The following UMAD1 variants were observed in gnomAD, a reference collection of about 807,000 sequenced individuals.
UMAD1 encodes the protein UBAP1-MVB12-associated (UMA) domain containing 1.
A neutral mutation model predicts 6.1 loss-of-function variants in UMAD1; 8 were observed. The observed-to-expected ratio is 1.30, with a 90% CI of 0.76 to 2.35. The LOEUF (loss-of-function observed/expected upper bound fraction) is 2.35, where lower values mean the gene tolerates loss of function less well. Ranked by LOEUF, UMAD1 falls within the 30% of genes most tolerant of loss-of-function variation. UMAD1 has a pLI of 0.00. For missense variants in UMAD1, 130 were observed against 78.4 expected (o/e 1.66, Z -2.49); for synonymous variants, 56 against 31.4 (o/e 1.78, Z -2.61).
chr7:7,851,271 G>A (rs913006330), intron 3 of UMAD1, among the ~76,000 whole-genome samples: 2 of 152,050 alleles, frequency 1.3e-5, no homozygotes, highest in Admixed American at 6.6e-5. Context: ...ATATTCCATT[G>A]CGTGGCTATA....
intron 2 of UMAD1, among the ~76,000 whole-genome samples, chr7:7,702,762 T>TC (rs1300101420): frequency 6.6e-6 from 1 of 152,126 alleles, no homozygotes; most frequent in Non-Finnish European, 1.5e-5. Flanking sequence ...GACAAGCCAC[T>TC]CCATCTGCCA....
chr7:7,738,677 GTA>G (rs1342113089), intron 2 of UMAD1: 1 of 152,204 alleles, frequency 6.6e-6, no homozygotes, highest in Non-Finnish European at 1.5e-5. Flanking sequence ...AGGCATTTCT[GTA>G]TATGTTTCTC....
intron 2 of UMAD1, among the ~76,000 whole-genome samples, chr7:7,692,850 G>T (rs939404875): frequency 5.9e-5 from 9 of 152,128 alleles, no homozygotes; most frequent in African/African-American, 1.7e-4. Context: ...CTCGTGATCT[G>T]CCTGCCTCGG....
At chr7:7,658,396 A>G (rs1017336543) in intron 1 of UMAD1, among the ~76,000 whole-genome samples, 5 of 152,212 alleles carry the variant, frequency 3.3e-5, no homozygotes, top group Admixed American at 2.6e-4. Flanking sequence ...GCCAGTTTTC[A>G]AAGGGAATGC....
intron 3 of UMAD1, among the ~76,000 whole-genome samples, chr7:7,872,695 C>T (rs1000862227): frequency 1.4e-4 from 21 of 152,160 alleles, no homozygotes; most frequent in African/African-American, 4.8e-4. Flanking sequence ...CTATGAAGTA[C>T]CGTAAAGCAA....
chr7:7,660,246 CTT>C (rs1377076552), intron 1 of UMAD1, among the ~76,000 whole-genome samples: 3 of 152,198 alleles, frequency 2.0e-5, no homozygotes, highest in Non-Finnish European at 4.4e-5. Flanking sequence ...GATCTTGACT[CTT>C]TATCCAATTT....
intron 2 of UMAD1, among the ~76,000 whole-genome samples, chr7:7,763,094 A>G (rs1781922832): frequency 6.6e-6 from 1 of 152,220 alleles, no homozygotes; most frequent in South Asian, 2.1e-4. Flanking sequence ...TTTTGAGCAT[A>G]GGATACAAGT....
At chr7:7,657,627 T>A (rs1181917924) in intron 1 of UMAD1, among the ~76,000 whole-genome samples, 1 of 152,128 alleles carries the variant, frequency 6.6e-6, no homozygotes, top group Non-Finnish European at 1.5e-5. Flanking sequence ...GTTGTAGATG[T>A]GTGGTATTAT....
intron 3 of UMAD1, among the ~76,000 whole-genome samples, chr7:7,866,619 A>G (rs762394138): frequency 6.6e-6 from 1 of 152,218 alleles, no homozygotes; most frequent in Non-Finnish European, 1.5e-5. Flanking sequence ...TCTACTTTTG[A>G]GGGAGTGGAA....
intron 2 of UMAD1, among the ~76,000 whole-genome samples, chr7:7,739,542 A>C (rs1781422272): frequency 6.6e-6 from 1 of 152,212 alleles, no homozygotes; most frequent in Admixed American, 6.5e-5. Flanking sequence ...GGTCAGAAGT[A>C]TTTTCCAAAC....
Position 7,731,185 on chromosome 7 carries a change from GA to G in UMAD1, c.82+57733del, listed in dbSNP as rs200848186. On this transcript the variant is annotated intron_variant, in intron 2 of 3. Transcript: ENST00000682710. ...AGCTAATTTTTGTATTTTCAGTAGA[GA>G]GGGGGGGGTTCCACCATGTTGGCCA... Among the ~76,000 whole-genome samples the G allele has an allele frequency of 1.2e-3, 183 of 151,738 alleles. 1 individual carries two copies. The highest frequency in any genetic ancestry group is 6.8e-3 in the Middle Eastern group (2 of 294).
At chr7:7,770,334 C>T (rs1318706040) in intron 2 of UMAD1, among the ~76,000 whole-genome samples, 3 of 152,182 alleles carry the variant, frequency 2.0e-5, no homozygotes, top group Non-Finnish European at 2.9e-5. Context: ...CTGCCTAATG[C>T]TCTGGGACCT....
intron 2 of UMAD1, among the ~76,000 whole-genome samples, chr7:7,696,295 G>A (rs1189400861): frequency 1.3e-5 from 2 of 150,282 alleles, no homozygotes; most frequent in African/African-American, 2.4e-5. Flanking sequence ...GAATTATTAG[G>A]TAGATTAAAA....
chr7:7,721,162 A>C (rs558848194), intron 2 of UMAD1, among the ~76,000 whole-genome samples: 10 of 152,218 alleles, frequency 6.6e-5, no homozygotes, highest in Admixed American at 6.5e-4. Flanking sequence ...GCTTAGCCCT[A>C]CTGACAACTT....
rs189960134 is a variant in UMAD1 at position 7,669,003 on chromosome 7, C to T, written c.-63-4306C>T. Among the ~76,000 whole-genome samples the T allele has an allele frequency of 6.5e-4, 99 of 152,022 alleles. 1 individual carries two copies. The highest frequency in any genetic ancestry group is 2.3e-3 in the African/African-American group (97 of 41,482). On this transcript the variant is annotated intron_variant, in intron 1 of 3. Transcript: ENST00000682710. ...TGGGATGTGGGAAGAAACTGGAGTA[C>T]TGGGGAGAAAACCCACACAGACGTA...
Position 7,662,513 on chromosome 7 carries a change from G to C in UMAD1, c.-63-10796G>C, listed in dbSNP as rs114042258. On this transcript the variant is annotated intron_variant, in intron 1 of 3. Transcript: ENST00000682710. ...GTGGGAAAAGCGTAGTATCCGGACC[G>C]GAGTGCACTGTTCCTCACCGCACAG... is the stretch of plus-strand genomic sequence containing the variant. Among the ~76,000 whole-genome samples the C allele has an allele frequency of 1.8e-4, 28 of 152,130 alleles. 1 individual carries two copies. The highest frequency in any genetic ancestry group is 2.6e-4 in the Admixed American group (4 of 15,278).
intron 2 of UMAD1, among the ~76,000 whole-genome samples, chr7:7,724,305 G>C (rs1583776603): frequency 6.6e-6 from 1 of 152,212 alleles, no homozygotes; most frequent in South Asian, 2.1e-4. Context: ...GTAATTAATG[G>C]AGTTTTAGCT....
intron 1 of UMAD1, among the ~76,000 whole-genome samples, chr7:7,655,364 A>G (rs1244830841): frequency 2.6e-5 from 4 of 152,226 alleles, no homozygotes; most frequent in African/African-American, 9.6e-5. Flanking sequence ...GTATAAAGTA[A>G]AATAAGAAAA....
intron 2 of UMAD1, among the ~76,000 whole-genome samples, chr7:7,769,434 T>C (rs1782058159): frequency 6.6e-6 from 1 of 152,128 alleles, no homozygotes; most frequent in African/African-American, 2.4e-5. Context: ...GTGGAGGGGA[T>C]GCTTGATGAT....
Sources: allele counts gnomAD v4.1 joint callset (sites outside exome capture counted in the v4.1 genomes callset), GRCh38; gene constraint gnomAD v4.1.1; transcripts MANE v1.5; gene names NCBI Gene and HGNC (gene_info 2026-07-23, HGNC 2026-07-21).